Variants in PCNX4 observed in about 807,000 individuals in gnomAD.
PCNX4 encodes pecanex-like protein 4.
In PCNX4, 103 loss-of-function variants were observed where a neutral mutation model predicts 107.2. That is an observed-to-expected ratio of 0.96 (90% CI 0.82 to 1.13). The LOEUF (loss-of-function observed/expected upper bound fraction) is 1.13. PCNX4 is among the 50% of genes most tolerant of loss of function. The pLI is 0.00. For synonymous variants in PCNX4, 541 were observed against 481.7 expected, an observed-to-expected ratio of 1.12 and a Z score of -1.61; for missense variants, 1,528 against 1,379.4, an observed-to-expected ratio of 1.11 and a Z score of -1.71.
chr14:60,127,457 T>C (rs1395906847), intron 10 of PCNX4, among the ~76,000 whole-genome samples: 2 of 152,316 alleles, frequency 1.3e-5, no homozygotes, highest in East Asian at 3.9e-4. Context: ...ACAGACAAGA[T>C]AGCCGTGCCA....
intron 1 of PCNX4, among the ~76,000 whole-genome samples, chr14:60,093,205 T>C (rs183429351): frequency 6.8e-4 from 104 of 152,350 alleles, no homozygotes; most frequent in African/African-American, 2.5e-3. Flanking sequence ...GGAAGCTTTT[T>C]CTTTTTTAAG....
chr14:60,108,092 G>C lies in PCNX4; in HGVS notation c.454G>C (p.Gly152Arg). Residue 152 changes from glycine to arginine, a missense_variant, in exon 2 of 11, where the codon GGT (glycine) becomes CGT (arginine). Transcript: ENST00000406854. ...TTCTATTCTTGCTGGATTAGCGTGT[G>C]GTCTTGGAACATGGTATCTGCTCCC... ...FHSILAGLAC[G>R]LGTWYLLPNR... 1 of 1,612,806 alleles carries C rather than the reference G, an allele frequency of 6.2e-7. No individual in the cohort carries two copies. Among genetic ancestry groups the C allele is most frequent in the Non-Finnish European group, 8.5e-7 (1 of 1,179,866 alleles).
Position 60,130,487 on chromosome 14 carries a change from A to C in PCNX4, c.3268-3483A>C, listed in dbSNP as rs78761213. ...ACAGTGAACATCATCATTATTGGTG[A>C]AGATTGGATGCTTACCCCTAAGATC... On this transcript the variant is annotated intron_variant, in intron 10 of 10. Coordinates refer to ENST00000406854, the MANE Select transcript of PCNX4 (RefSeq NM_001330177.2). Among the ~76,000 whole-genome samples, 1,080 of 152,264 alleles carry C rather than the reference A, an allele frequency of 7.1e-3. 9 individuals carry two copies. The highest frequency in any genetic ancestry group is 0.024 in the African/African-American group (1,014 of 41,564).
chr14:60,124,351 C>T lies in PCNX4; in HGVS notation c.2180C>T (p.Pro727Leu). The T allele has an allele frequency of 6.2e-7, 1 of 1,613,078 alleles. No individual in the cohort carries two copies. Among genetic ancestry groups the T allele is most frequent in the South Asian group, 1.1e-5 (1 of 91,018 alleles). Residue 727 changes from proline (P) to leucine (L), a missense_variant, in exon 9 of 11, where the codon CCC becomes CTC. By Grantham distance (98) the Pro-to-Leu change is moderately conservative. Coordinates refer to ENST00000406854, the MANE Select transcript of PCNX4 (RefSeq NM_001330177.2). ...GAACACTTTGGAAATGTCTTGACAC[C>T]CTGTACTGTTTTGCCTGTGAAATTG... ...LNEHFGNVLT[P>L]CTVLPVKLYS...
At position 60,142,360 on chromosome 14, in the gene PCNX4, T is replaced by C. The variant is rs1896316492; in HGVS notation, c.*8139T>C. 6.6e-6 allele frequency: 1 copy of C among 152,178 alleles called. No homozygotes were observed. The highest frequency in any genetic ancestry group is 1.5e-5 in the Non-Finnish European group (1 of 68,036). 9.4% of individuals were successfully genotyped at this position (152,178 alleles called of 1,614,324 possible). Reference sequence around the variant, plus strand: ...GTGGCTTACTGGTGAATCCAGTAGTTGAGGAAACGAAAGCCGTCACTTCTG... The same window carrying C: ...GTGGCTTACTGGTGAATCCAGTAGTCGAGGAAACGAAAGCCGTCACTTCTG... On this transcript the variant is annotated 3_prime_UTR_variant, in exon 11 of 11. Coordinates refer to ENST00000406854, the MANE Select transcript of PCNX4 (RefSeq NM_001330177.2). This position sits in a 1 kb window ranked among gnomAD's most constrained non-coding sequence, Gnocchi z 4.7.
chr14:60,104,013 T>C (rs1895582276), intron 1 of PCNX4, among the ~76,000 whole-genome samples: 1 of 152,208 alleles, frequency 6.6e-6, no homozygotes, highest in East Asian at 1.9e-4. Flanking sequence ...TAGGATATGC[T>C]GCAAGTTTTT....
intron 1 of PCNX4, among the ~76,000 whole-genome samples, chr14:60,094,770 C>CCG (rs1555392138): frequency 8.0e-6 from 1 of 124,720 alleles, no homozygotes; most frequent in Non-Finnish European, 1.7e-5. Context: ...AGCCCCCCCC[C>CCG]ACCCCCATCT....
Position 60,115,271 on chromosome 14 carries a change from T to A in PCNX4, c.1167T>A (p.Ala389=). 6.2e-7 allele frequency: 1 copy of A among 1,611,162 alleles called. No individual in the cohort carries two copies. Among genetic ancestry groups the A allele is most frequent in the Non-Finnish European group, 8.5e-7 (1 of 1,177,596 alleles). ...AGATTTCTAAAAGCAATTCCCAGGC[T>A]ATTGTGGGCTATGGTTTGATGATAT... is the stretch of plus-strand genomic sequence containing the variant. ...FSQISKSNSQ[A]IVGYGLMILL... is the part of the protein sequence containing the mutation. The change falls in exon 4 of 11, where the codon GCT becomes GCA. Residue 389 remains alanine, a synonymous_variant. Transcript: ENST00000406854.
Position 60,100,415 on chromosome 14 carries a change from C to T in PCNX4, c.-53-7171C>T, listed in dbSNP as rs951156145. Among the ~76,000 whole-genome samples the T allele has an allele frequency of 6.6e-5, 10 of 152,316 alleles. No homozygotes were observed. The Middle Eastern group carries it at 0.01, about 155-fold the overall frequency. On this transcript the variant is annotated intron_variant, in intron 1 of 10. Transcript: ENST00000406854. The stretch of plus-strand genomic sequence containing the variant: ...CCAGGTTCAAGTGATTCTCCCGCCT[C>T]AGCCTCCCAAGTAGCTGGGATTACA...
At position 60,141,479 on chromosome 14, in the gene PCNX4, G is replaced by A. The variant is rs981922153; in HGVS notation, c.*7258G>A. ...ATCAGGCAGTCATTAAAAAGATAAT[G>A]AGGAAATACTGTAACTTTCGGCTTA... is the stretch of plus-strand genomic sequence containing the variant. On this transcript the variant is annotated 3_prime_UTR_variant, in exon 11 of 11. Coordinates refer to ENST00000406854, the MANE Select transcript of PCNX4 (RefSeq NM_001330177.2). 5.9e-5 allele frequency: 9 copies of A among 152,194 alleles called. No individual in the cohort carries two copies. The highest frequency in any genetic ancestry group is 1.5e-5 in the Non-Finnish European group (1 of 68,038). 9.4% of individuals were successfully genotyped at this position (152,194 alleles called of 1,614,324 possible).
chr14:60,092,678 G>C (rs1895327698), intron 1 of PCNX4, among the ~76,000 whole-genome samples: 1 of 152,114 alleles, frequency 6.6e-6, no homozygotes, highest in Admixed American at 6.5e-5. Flanking sequence ...TAAGAGACTC[G>C]TACGAAATGG....
Position 60,124,259 on chromosome 14 carries a change from T to C in PCNX4, c.2088T>C (p.Ala696=). ...AAACATCCTGTCATACTGCAGAAGC[T>C]CGCAGAGTTGATGAAGTTTTTGAAG... ...LQETSCHTAE[A]RRVDEVFEDA... is the part of the protein sequence containing the mutation. Residue 696 remains alanine (A), a synonymous_variant, in exon 9 of 11, where the codon GCT becomes GCC. Coordinates refer to ENST00000406854, the MANE Select transcript of PCNX4 (RefSeq NM_001330177.2). The C allele has an allele frequency of 6.2e-7, 1 of 1,602,576 alleles. No individual in the cohort carries two copies. Among genetic ancestry groups the C allele is most frequent in the Non-Finnish European group, 8.5e-7 (1 of 1,173,906 alleles).
At position 60,140,916 on chromosome 14, in the gene PCNX4, C is replaced by G. The variant is rs1896299290; in HGVS notation, c.*6695C>G. 6.6e-6 allele frequency: 1 copy of G among 151,012 alleles called. No homozygotes were observed. The highest frequency in any genetic ancestry group is 2.5e-5 in the African/African-American group (1 of 40,574). The allele number at this position is 151,012 out of a possible 1,614,324, so 9.4% of individuals were successfully genotyped here. A position where few individuals can be genotyped will look rare whatever the true frequency, so the allele number is the denominator to read the frequency against. ...ACAAGTGCACCTGCCCACCTTTGCA[C>G]TCGTCCATATCCCCCAGAGCAACCT... On this transcript the variant is annotated 3_prime_UTR_variant, in exon 11 of 11. Transcript: ENST00000406854. The surrounding 1 kb of genome is among the most constrained non-coding windows in gnomAD (Gnocchi z 4.2).
At chr14:60,099,049 A>G (rs1895482125) in intron 1 of PCNX4, among the ~76,000 whole-genome samples, 1 of 152,148 alleles carries the variant, frequency 6.6e-6, no homozygotes, top group Non-Finnish European at 1.5e-5. Flanking sequence ...AATGGTAGCT[A>G]TCTTTGCATC....
chr14:60,133,268 A>G (rs889950079), intron 10 of PCNX4, among the ~76,000 whole-genome samples: 8 of 152,218 alleles, frequency 5.3e-5, no homozygotes, highest in Non-Finnish European at 1.0e-4. Context: ...AAAAAGGAAT[A>G]CGGTACTGAT....
At chr14:60,105,249 A>G (rs145241331) in intron 1 of PCNX4, among the ~76,000 whole-genome samples, 1 of 152,190 alleles carries the variant, frequency 6.6e-6, no homozygotes, top group Non-Finnish European at 1.5e-5. Context: ...CTGCTCTGCA[A>G]AATTTTCAGA....
Position 60,136,318 on chromosome 14 carries a change from T to C in PCNX4, c.*2097T>C, listed in dbSNP as rs1896239653. ...TCTCCTCTTCTACCTGACCTCTAAA[T>C]TTTAGAATTTCTCAACAATTGATTC... is the stretch of plus-strand genomic sequence containing the variant. On this transcript the variant is annotated 3_prime_UTR_variant, in exon 11 of 11. Transcript: ENST00000406854. The C allele has an allele frequency of 6.6e-6, 1 of 152,144 alleles. No homozygotes were observed. The highest frequency in any genetic ancestry group is 1.9e-4 in the East Asian group (1 of 5,194). 9.4% of individuals were successfully genotyped at this position (152,144 alleles called of 1,614,324 possible). A position where few individuals can be genotyped will look rare whatever the true frequency, so the allele number is the denominator to read the frequency against.
chr14:60,108,516 A>T, intron 2 of PCNX4, 189 bp downstream of exon 2: 1 of 452,278 alleles, frequency 2.2e-6, no homozygotes, highest in Non-Finnish European at 3.9e-6. Context: ...CAATAGTTAA[A>T]ACTTATTAAA....
intron 9 of PCNX4, 116 bp downstream of exon 9, chr14:60,125,367 A>G: frequency 1.8e-6 from 2 of 1,087,994 alleles, no homozygotes; most frequent in Non-Finnish European, 2.5e-6. Flanking sequence ...TACTTTCTTC[A>G]AAATGAAAAA....
Sources: gnomAD v4.1 joint callset for allele counts (sites outside exome capture counted in the v4.1 genomes callset) on GRCh38, gnomAD v4.1.1 for gene constraint, Gnocchi (gnomAD v3.1) non-coding constraint, MANE v1.5 for transcripts, NCBI Gene and HGNC (gene_info 2026-07-23, HGNC 2026-07-21) for gene names.